NSMCE2: variants seen among roughly 807,000 people sequenced by gnomAD.
NSMCE2 encodes the protein E3 SUMO-protein ligase NSE2.
In NSMCE2, 24 loss-of-function variants were observed where a neutral mutation model predicts 23.8. The ratio of observed to expected loss-of-function variants is 1.01; its 90% CI spans 0.73 to 1.42. The LOEUF (loss-of-function observed/expected upper bound fraction) is 1.42. Ranked by LOEUF, NSMCE2 falls within the 40% of genes most tolerant of loss-of-function variation. NSMCE2 has a pLI of 0.00. For missense variants in NSMCE2, 284 were observed against 296.5 expected (o/e 0.96, Z 0.31); for synonymous variants, 92 against 94.1 (o/e 0.98, Z 0.13).
At chr8:125,096,245 C>G (rs181644862) in intron 1 of NSMCE2, among the ~76,000 whole-genome samples, 2 of 152,294 alleles carry the variant, frequency 1.3e-5, no homozygotes, top group East Asian at 3.9e-4. Context: ...TCATAGGCCA[C>G]AGCTAACTTC....
At position 125,233,207 on chromosome 8, in the gene NSMCE2, G is replaced by A. The variant is rs967097514; in HGVS notation, c.418+50951G>A. ...TAGACTTTGGGAATACTGTAGAGCTGTGATAAACCCTGCTTTAAGCTACAT... is the reference window on the plus strand; with the variant it reads ...TAGACTTTGGGAATACTGTAGAGCTATGATAAACCCTGCTTTAAGCTACAT... On this transcript the variant is annotated intron_variant, in intron 5 of 7. Transcript: ENST00000287437. 7.2e-5 allele frequency among the ~76,000 whole-genome samples: 11 copies of A among 152,312 alleles called. No homozygotes were observed. In the East Asian group the frequency reaches 2.1e-3, roughly 29 times the overall value.
intron 5 of NSMCE2, among the ~76,000 whole-genome samples, chr8:125,293,195 C>T (rs16900525): frequency 2.4e-3 from 360 of 152,194 alleles, no homozygotes; most frequent in African/African-American, 8.3e-3. Flanking sequence ...TACTCATGTC[C>T]GGGAAATAGG....
At chr8:125,248,558 CAGG>C (rs1826083099) in intron 5 of NSMCE2, among the ~76,000 whole-genome samples, 1 of 151,980 alleles carries the variant, frequency 6.6e-6, no homozygotes, top group African/African-American at 2.4e-5. Flanking sequence ...GAGGCTGAGG[CAGG>C]AGAATTACCT....
intron 5 of NSMCE2, among the ~76,000 whole-genome samples, chr8:125,310,022 G>T (rs567206073): frequency 3.9e-5 from 6 of 152,172 alleles, no homozygotes; most frequent in African/African-American, 1.4e-4. Flanking sequence ...CTATGATGGG[G>T]GGACCCTCAT....
At chr8:125,223,457 A>G (rs1397576067) in intron 5 of NSMCE2, among the ~76,000 whole-genome samples, 3 of 152,190 alleles carry the variant, frequency 2.0e-5, no homozygotes, top group East Asian at 3.8e-4. Flanking sequence ...GAGTGCAGAA[A>G]TCTCTTTGAC....
chr8:125,189,682 G>C (rs1458219534), intron 5 of NSMCE2, among the ~76,000 whole-genome samples: 1 of 152,020 alleles, frequency 6.6e-6, no homozygotes, highest in East Asian at 1.9e-4. Context: ...GAAAAATAGA[G>C]GACAAAAATT....
At chr8:125,170,263 A>G (rs1822112300) in intron 4 of NSMCE2, among the ~76,000 whole-genome samples, 1 of 151,832 alleles carries the variant, frequency 6.6e-6, no homozygotes, top group African/African-American at 2.4e-5. Flanking sequence ...CATCTTAGAA[A>G]ATGGCAGTAT....
intron 3 of NSMCE2, chr8:125,126,907 G>A (rs1186973746): frequency 3.3e-5 from 5 of 152,140 alleles, no homozygotes; most frequent in Non-Finnish European, 7.4e-5. Flanking sequence ...GGCACACAGC[G>A]TTCTTATTTT....
chr8:125,170,395 T>A, intron 4 of NSMCE2, among the ~76,000 whole-genome samples: 1 of 100,472 alleles, frequency 1.0e-5, no homozygotes, highest in Non-Finnish European at 2.1e-5. Flanking sequence ...TTTTTTTTTT[T>A]TTTTTTTTTT....
intron 5 of NSMCE2, among the ~76,000 whole-genome samples, chr8:125,310,927 G>A (rs1028467247): frequency 2.6e-5 from 4 of 152,182 alleles, no homozygotes; most frequent in African/African-American, 9.7e-5. Flanking sequence ...TAAAGAATAT[G>A]GTTTATTGAT....
At chr8:125,244,024 T>G (rs1825862296) in intron 5 of NSMCE2, among the ~76,000 whole-genome samples, 1 of 150,962 alleles carries the variant, frequency 6.6e-6, no homozygotes, top group Admixed American at 6.6e-5. Context: ...GGGAAGATAT[T>G]GTAAGAGTTT....
intron 5 of NSMCE2, among the ~76,000 whole-genome samples, chr8:125,196,887 C>T (rs4594787): frequency 3.9e-5 from 6 of 152,098 alleles, no homozygotes; most frequent in African/African-American, 9.7e-5. Context: ...TTTTAATGAT[C>T]GCCATTCTAA....
intron 5 of NSMCE2, among the ~76,000 whole-genome samples, chr8:125,317,190 C>G (rs76953477): frequency 0.012 from 1,770 of 151,880 alleles, 39 homozygotes; most frequent in African/African-American, 0.039. Context: ...CAGTGGTTTC[C>G]TAAAGATCTT....
At chr8:125,274,416 A>G (rs1250861544) in intron 5 of NSMCE2, among the ~76,000 whole-genome samples, 2 of 152,238 alleles carry the variant, frequency 1.3e-5, no homozygotes, top group East Asian at 3.9e-4. Flanking sequence ...TTTTAAAATA[A>G]TACTAGCTTT....
At chr8:125,126,638 ATTCTGTTGGCTAGG>A (rs1819532769) in intron 3 of NSMCE2, among the ~76,000 whole-genome samples, 1 of 152,192 alleles carries the variant, frequency 6.6e-6, no homozygotes, top group South Asian at 2.1e-4. Context: ...AGGGCATCAT[ATTCTGTTGGCTAGG>A]CAGAATAACC....
intron 4 of NSMCE2, among the ~76,000 whole-genome samples, chr8:125,176,377 TTTC>T (rs1415487174): frequency 6.6e-6 from 1 of 152,240 alleles, no homozygotes; most frequent in Non-Finnish European, 1.5e-5. Flanking sequence ...CTTTTGGTTG[TTTC>T]TTAACTCTTA....
chr8:125,175,432 CA>C (rs1822438066), intron 4 of NSMCE2, among the ~76,000 whole-genome samples: 1 of 152,140 alleles, frequency 6.6e-6, no homozygotes, highest in Non-Finnish European at 1.5e-5. Context: ...AAGCAGAACA[CA>C]AAGCAAACTG....
At chr8:125,209,895 A>G (rs945197147) in intron 5 of NSMCE2, among the ~76,000 whole-genome samples, 3 of 152,216 alleles carry the variant, frequency 2.0e-5, no homozygotes, top group Admixed American at 1.3e-4. Flanking sequence ...AGAATATATC[A>G]CAGAGTGATC....
intron 4 of NSMCE2, among the ~76,000 whole-genome samples, chr8:125,171,046 C>G (rs1451136157): frequency 6.6e-6 from 1 of 152,170 alleles, no homozygotes; most frequent in East Asian, 1.9e-4. Flanking sequence ...CTTCCCAAAC[C>G]CTTTTTACTG....
Sources: gnomAD v4.1 joint callset for allele counts (sites outside exome capture counted in the v4.1 genomes callset) on GRCh38, gnomAD v4.1.1 for gene constraint, MANE v1.5 for transcripts, NCBI Gene and HGNC (gene_info 2026-07-23, HGNC 2026-07-21) for gene names.